SNAP47: variants seen among roughly 807,000 people sequenced by gnomAD.
SNAP47 encodes synaptosome associated protein 47.
In SNAP47, 20 loss-of-function variants were observed where a neutral mutation model predicts 31.4. That is an observed-to-expected ratio of 0.64 (90% CI 0.45 to 0.93). SNAP47 has a LOEUF of 0.93. SNAP47 is among the 40% of genes least tolerant of loss of function. SNAP47 has a pLI of 0.00. For synonymous variants in SNAP47, 194 were observed against 213.4 expected, an observed-to-expected ratio of 0.91 and a Z score of 0.79; for missense variants, 492 against 528.5, an observed-to-expected ratio of 0.93 and a Z score of 0.68.
chr1:227,759,103 AC>A lies in SNAP47; in HGVS notation c.609del (p.Phe204LeufsTer7). On this transcript the variant is annotated frameshift_variant, in exon 3 of 5. Transcript: ENST00000617596. LOFTEE classifies it high-confidence loss of function. The part of the protein sequence containing the change: ...REDVSMTSCE[P>X]FGKEGILIKI... ...AAGATGTCTCCATGACCAGTTGTGA[AC>A]CCTTTGGGAAAGAAGGGATACTGAT... The A allele has an allele frequency of 3.1e-6, 5 of 1,614,158 alleles. No homozygotes were observed. Among genetic ancestry groups the A allele is most frequent in the Non-Finnish European group, 4.2e-6 (5 of 1,180,040 alleles).
intron 4 of SNAP47, among the ~76,000 whole-genome samples, chr1:227,771,611 G>T (rs1663809974): frequency 6.6e-6 from 1 of 152,074 alleles, no homozygotes; most frequent in Non-Finnish European, 1.5e-5. Context: ...TGGCTAATGG[G>T]TTTGTGACAG....
chr1:227,768,431 C>A, intron 4 of SNAP47: 1 of 577,512 alleles, frequency 1.7e-6, no homozygotes, highest in South Asian at 7.6e-5. Context: ...TGGCTCTGCC[C>A]ATGTCCACCA....
chr1:227,734,550 T>C (rs768460850), upstream of SNAP47: 70 of 1,091,762 alleles, frequency 6.4e-5, no homozygotes, highest in African/African-American at 1.1e-4. Flanking sequence ...CGGGGAAAAA[T>C]AGCTCCGTTG....
At chr1:227,740,395 T>G (rs373058202) in intron 1 of SNAP47, among the ~76,000 whole-genome samples, 3 of 152,268 alleles carry the variant, frequency 2.0e-5, no homozygotes, top group African/African-American at 7.2e-5. Context: ...CATTGACTGC[T>G]GGAGGGGGAA....
intron 4 of SNAP47, among the ~76,000 whole-genome samples, chr1:227,772,733 T>C (rs1663901901): frequency 6.6e-6 from 1 of 152,208 alleles, no homozygotes; most frequent in Non-Finnish European, 1.5e-5. Flanking sequence ...AGTTAATGTT[T>C]GTGTGCGGAG....
At chr1:227,769,080 G>A (rs558613319) in intron 4 of SNAP47, among the ~76,000 whole-genome samples, 3 of 152,346 alleles carry the variant, frequency 2.0e-5, no homozygotes, top group Non-Finnish European at 2.9e-5. Flanking sequence ...GCCCGGGAGC[G>A]TTGGGGAGGT....
chr1:227,747,696 A>G lies in SNAP47; in HGVS notation c.-41A>G. ...TTACTGTCTCTTCTCCTTCAGAGGC[A>G]GAAGAGGCCTGGACCTTGGCGCACA... is the stretch of plus-strand genomic sequence containing the variant. On this transcript the variant is annotated 5_prime_UTR_variant, in exon 2 of 5. Transcript: ENST00000617596. 1 of 1,589,364 alleles carries G rather than the reference A, an allele frequency of 6.3e-7. No homozygotes were observed. The highest frequency in any genetic ancestry group is 8.6e-7 in the Non-Finnish European group (1 of 1,163,350).
At chr1:227,757,412 A>T (rs966304138) in intron 2 of SNAP47, among the ~76,000 whole-genome samples, 4 of 152,218 alleles carry the variant, frequency 2.6e-5, no homozygotes, top group African/African-American at 4.8e-5. Context: ...TCACTTAGAG[A>T]TAAGTCAGGG....
chr1:227,736,675 T>C (rs1287788852), intron 1 of SNAP47, among the ~76,000 whole-genome samples: 3 of 142,518 alleles, frequency 2.1e-5, no homozygotes, highest in Admixed American at 2.1e-4. Flanking sequence ...TAGTTTTGTT[T>C]TTTTGTTTTT....
chr1:227,733,603 G>A, upstream of SNAP47: 2 of 1,606,294 alleles, frequency 1.2e-6, no homozygotes, highest in East Asian at 2.2e-5. Flanking sequence ...GCCCTGGGGG[G>A]AAGAGGAGCC....
chr1:227,766,686 T>C (rs558689807), intron 3 of SNAP47, among the ~76,000 whole-genome samples: 10 of 152,312 alleles, frequency 6.6e-5, no homozygotes, highest in African/African-American at 2.4e-4. Flanking sequence ...ATCTTCAGCC[T>C]TTCTCAAAAA....
At chr1:227,768,172 C>A in intron 4 of SNAP47, 3 of 619,780 alleles carry the variant, frequency 4.8e-6, no homozygotes, top group Non-Finnish European at 4.0e-6. Context: ...TGAGCCCTTG[C>A]TGAAGGGTGT....
upstream of SNAP47, among the ~76,000 whole-genome samples, chr1:227,730,065 ATT>A (rs987818287): frequency 6.6e-6 from 1 of 152,132 alleles, no homozygotes; most frequent in Non-Finnish European, 1.5e-5. Context: ...GAGCATCTGC[ATT>A]GTTTCTCTGA....
chr1:227,755,852 T>C (rs1662660095), intron 2 of SNAP47, among the ~76,000 whole-genome samples: 1 of 151,910 alleles, frequency 6.6e-6, no homozygotes, highest in Admixed American at 6.6e-5. Flanking sequence ...TCTGGGACAA[T>C]TGGAGGAGAA....
upstream of SNAP47, chr1:227,735,256 G>A (rs1199330053): frequency 6.2e-7 from 1 of 1,603,408 alleles, no homozygotes; most frequent in South Asian, 1.1e-5. Flanking sequence ...CGGCGAGGGC[G>A]CGCGTCTCGC....
chr1:227,750,988 C>T (rs752500446), intron 2 of SNAP47, among the ~76,000 whole-genome samples: 5 of 152,136 alleles, frequency 3.3e-5, no homozygotes, highest in Non-Finnish European at 5.9e-5. Context: ...GCTATGGACT[C>T]CTGCTGGGAA....
chr1:227,780,319 G>T (rs1191514919), intron 4 of SNAP47, among the ~76,000 whole-genome samples: 1 of 152,224 alleles, frequency 6.6e-6, no homozygotes, highest in Non-Finnish European at 1.5e-5. Flanking sequence ...GGTGGGGCAG[G>T]CACCTCATCT....
At chr1:227,775,744 A>G (rs1427032985) in intron 4 of SNAP47, 2 of 1,296,650 alleles carry the variant, frequency 1.5e-6, no homozygotes, top group Admixed American at 2.3e-5. Flanking sequence ...TATAAACAAA[A>G]TGGAAATGGT....
At chr1:227,753,493 C>T (rs77265841) in intron 2 of SNAP47, among the ~76,000 whole-genome samples, 103 of 152,276 alleles carry the variant, frequency 6.8e-4, no homozygotes, top group Middle Eastern at 6.8e-3. Flanking sequence ...GTCTGGGGGC[C>T]ATGGCATGGG....
Sources: allele counts gnomAD v4.1 joint callset (sites outside exome capture counted in the v4.1 genomes callset), GRCh38; gene constraint gnomAD v4.1.1; transcripts MANE v1.5; gene names NCBI Gene and HGNC (gene_info 2026-07-23, HGNC 2026-07-21).